Variants in ACSM3 observed in about 807,000 individuals in gnomAD.
ACSM3 encodes the protein acyl-CoA synthetase medium chain family member 3, also known as acyl-coenzyme A synthetase ACSM3, mitochondrial.
Under a neutral mutation model 74.1 loss-of-function variants are expected in ACSM3, and 61 were observed. The observed-to-expected ratio is 0.82, with a 90% CI of 0.67 to 1.02. The LOEUF is 1.02. ACSM3 is among the 50% of genes least tolerant of loss of function. The pLI is 0.00. For missense variants in ACSM3, 660 were observed against 697.0 expected (o/e 0.95, Z 0.60); for synonymous variants, 213 against 241.5 (o/e 0.88, Z 1.09).
rs2080172663 is a variant in ACSM3, at chr16:20,770,065, C to T, written c.31C>T (p.Arg11Cys). ...AGCTCGTGTCACCAGGAAGATGCTA[C>T]GTCATGCCAAGTGTTTTCAGCGCCT... is the stretch of plus-strand genomic sequence containing the variant. MLARVTRKML[R>C]HAKCFQRLAI... Residue 11 changes from arginine to cysteine, a missense_variant, in exon 2 of 14, where the codon CGT (arginine) becomes TGT (cysteine). Transcript: ENST00000289416. The T allele has an allele frequency of 3.7e-6, 6 of 1,614,118 alleles. No homozygotes were observed. The highest frequency in any genetic ancestry group is 1.3e-5 in the African/African-American group (1 of 75,024).
At chr16:20,717,956 G>GGAA (rs746227909) in intron 1 of ACSM3, among the ~76,000 whole-genome samples, 4,181 of 74,094 alleles carry the variant, frequency 0.056, 312 homozygotes, top group East Asian at 0.1. Flanking sequence ...AAGAGGAAGA[G>GGAA]GAAGAAGAAG....
intron 1 of ACSM3, chr16:20,741,480 G>GGC: frequency 1.5e-6 from 2 of 1,340,424 alleles, no homozygotes; most frequent in South Asian, 3.3e-5. Context: ...CCTGGCAGCC[G>GGC]GCCCGCCCGC....
At chr16:20,791,904 G>A (rs1035072878) in intron 10 of ACSM3, 98 bp from the exon 11 acceptor site, 39 of 1,435,242 alleles carry the variant, frequency 2.7e-5, no homozygotes, top group Non-Finnish European at 3.2e-5. Flanking sequence ...CTCCAGCCTG[G>A]GTAACAGAGT....
At chr16:20,741,369 A>C in intron 1 of ACSM3, 1 of 1,091,190 alleles carries the variant, frequency 9.2e-7, no homozygotes. Flanking sequence ...AGGGACGGAA[A>C]CGCCGGCGAG....
chr16:20,685,843 AAAAC>A lies in ACSM3; in HGVS notation c.-190+11025_-190+11028del, dbSNP rs1212191682. Among the ~76,000 whole-genome samples the A allele has an allele frequency of 3.8e-3, 475 of 125,270 alleles. 69 individuals carry two copies. The highest frequency in any genetic ancestry group is 6.7e-3 in the Non-Finnish European group (363 of 53,824). The allele number at this position is 125,270 out of a possible 152,430, so 82.2% of individuals were successfully genotyped here. A position where few individuals can be genotyped will look rare whatever the true frequency, so the allele number is the denominator to read the frequency against. ...TCAAAAAAAAAAAACAAACAAAAAAAAAACAAAAAACTTATAGCATCAGGAGAGG... is the reference window on the plus strand; with the variant it reads ...TCAAAAAAAAAAAACAAACAAAAAAAAAAAAACTTATAGCATCAGGAGAGG... On this transcript the variant is annotated intron_variant, in intron 1 of 3. Coordinates refer to the ACSM3 transcript ENST00000561584.
chr16:20,741,674 A>G, intron 1 of ACSM3: 1 of 1,584,958 alleles, frequency 6.3e-7, no homozygotes, highest in Non-Finnish European at 8.6e-7. Flanking sequence ...TGGCCAGCAC[A>G]TACTGAGCCT....
At chr16:20,730,837 T>A (rs1277810123) in intron 1 of ACSM3, among the ~76,000 whole-genome samples, 2 of 152,176 alleles carry the variant, frequency 1.3e-5, no homozygotes, top group Non-Finnish European at 2.9e-5. Context: ...TAGATCAATC[T>A]TTCCTGAGAG....
intron 12 of ACSM3, among the ~76,000 whole-genome samples, chr16:20,795,882 C>T (rs995255700): frequency 6.6e-6 from 1 of 152,146 alleles, no homozygotes; most frequent in African/African-American, 2.4e-5. Context: ...AAAAACATTT[C>T]TAGGAAGGAT....
At chr16:20,758,430 T>C (rs1013923429) in intron 3 of ACSM3, among the ~76,000 whole-genome samples, 6 of 152,142 alleles carry the variant, frequency 3.9e-5, no homozygotes, top group Non-Finnish European at 8.8e-5. Flanking sequence ...GTAGAGGTGT[T>C]TGTAGTATTC....
At chr16:20,709,111 C>G (rs374894288) in intron 1 of ACSM3, among the ~76,000 whole-genome samples, 1 of 152,014 alleles carries the variant, frequency 6.6e-6, no homozygotes, top group East Asian at 1.9e-4. Context: ...GCACATGTAC[C>G]CAAAGTATAA....
At chr16:20,691,293 A>G in intron 1 of ACSM3, 1 of 981,902 alleles carries the variant, frequency 1.0e-6, no homozygotes, top group Non-Finnish European at 1.5e-6. Flanking sequence ...TTCTCCCTAA[A>G]TTGGGTGCAT....
At position 20,775,920 on chromosome 16, in the gene ACSM3, G is replaced by T; in HGVS notation, c.301G>T (p.Gly101Ter). Reference sequence around the variant, plus strand: ...GATGCGATGGAGTTTTGAGGAACTGGGATCTCTGTCCAGAAAATTTGCCAA... The same window carrying T: ...GATGCGATGGAGTTTTGAGGAACTGTGATCTCTGTCCAGAAAATTTGCCAA... ...EEMRWSFEEL[G>*]SLSRKFANIL... The change falls in exon 3 of 14, where the codon GGA becomes TGA. Residue 101 changes from glycine (G) to a stop codon, truncating the protein, a stop_gained. Transcript: ENST00000289416. LOFTEE classifies it high-confidence loss of function. The T allele has an allele frequency of 1.2e-6, 2 of 1,614,112 alleles. No individual in the cohort carries two copies. Among genetic ancestry groups the T allele is most frequent in the Non-Finnish European group, 1.7e-6 (2 of 1,180,012 alleles).
In ACSM3 at chr16:20,717,079, A is replaced by G. The variant is rs138325205; in HGVS notation, c.-189-32831A>G. On this transcript the variant is annotated intron_variant, in intron 1 of 3. Transcript: ENST00000561584. ...GTTCAATGAAATTAACAGGGACCCA[A>G]ATTTATTCATCTTCCTAACGTGCTA... Among the ~76,000 whole-genome samples the G allele has an allele frequency of 5.4e-3, 827 of 152,314 alleles. 12 individuals carry two copies. The highest frequency in any genetic ancestry group is 0.019 in the African/African-American group (791 of 41,576).
chr16:20,738,008 C>T (rs1039057816), intron 1 of ACSM3: 5 of 1,516,448 alleles, frequency 3.3e-6, no homozygotes, highest in South Asian at 1.3e-5. Context: ...TCTTAAAGAT[C>T]GAACTCTAAA....
intron 1 of ACSM3, among the ~76,000 whole-genome samples, chr16:20,708,117 A>G (rs1677813265): frequency 6.6e-6 from 1 of 152,206 alleles, no homozygotes; most frequent in Middle Eastern, 3.2e-3. Flanking sequence ...GCTGGCCAAC[A>G]TGGTGAAACC....
rs563284180 is a variant in ACSM3, at chr16:20,697,039, C to A, written c.-190+22217C>A. ...TAAGGACTCAATAAATGTTGAGGTA[C>A]CTTTTAACTCCCAGCAAATTCTGAA... is the stretch of plus-strand genomic sequence containing the variant. On this transcript the variant is annotated intron_variant, in intron 1 of 3. Transcript: ENST00000561584. Among the ~76,000 whole-genome samples, 18 of 152,242 alleles carry A rather than the reference C, an allele frequency of 1.2e-4. No individual in the cohort carries two copies. The South Asian group carries it at 3.7e-3, about 32-fold the overall frequency.
intron 2 of ACSM3, among the ~76,000 whole-genome samples, chr16:20,774,093 T>C (rs1490686686): frequency 6.6e-6 from 1 of 152,208 alleles, no homozygotes; most frequent in Non-Finnish European, 1.5e-5. Flanking sequence ...AATTGATCTA[T>C]TTATCATTAT....
chr16:20,742,842 A>C (rs2079940669), intron 1 of ACSM3, among the ~76,000 whole-genome samples: 2 of 141,256 alleles, frequency 1.4e-5, no homozygotes, highest in African/African-American at 5.3e-5. Context: ...TCCCCTTCCC[A>C]TTGCAATTTG....
chr16:20,682,331 C>T (rs1190455030), intron 1 of ACSM3: 2 of 1,613,988 alleles, frequency 1.2e-6, no homozygotes, highest in Admixed American at 3.3e-5. Flanking sequence ...CAGAGAGGGG[C>T]ACTGAGAAGC....
Sources: allele counts gnomAD v4.1 joint callset (sites outside exome capture counted in the v4.1 genomes callset), GRCh38; gene constraint gnomAD v4.1.1; transcripts MANE v1.5; gene names NCBI Gene and HGNC (gene_info 2026-07-23, HGNC 2026-07-21).